MAD1L1: variants seen among roughly 807,000 people sequenced by gnomAD.
MAD1L1 encodes mitotic arrest deficient 1 like 1, also known as mitotic spindle assembly checkpoint protein MAD1.
A neutral mutation model predicts 96.9 loss-of-function variants in MAD1L1; 95 were observed. That is an observed-to-expected ratio of 0.98 (90% CI 0.83 to 1.16). The LOEUF is 1.16. MAD1L1 is among the 50% of genes most tolerant of loss of function. MAD1L1 has a pLI of 0.00. For missense variants in MAD1L1, 1,007 were observed against 954.4 expected, an observed-to-expected ratio of 1.06 and a Z score of -0.73; for synonymous variants, 473 against 396.6, an observed-to-expected ratio of 1.19 and a Z score of -2.29.
intron 18 of MAD1L1, among the ~76,000 whole-genome samples, chr7:1,845,017 TCA>T (rs1268273279): frequency 6.6e-6 from 1 of 152,192 alleles, no homozygotes; most frequent in East Asian, 1.9e-4. Context: ...GCTCCTGGAC[TCA>T]CAGTGGGCAC....
rs563287287 is a variant in MAD1L1 at position 1,929,274 on chromosome 7, A to G, written c.1807+7413T>C. ...CTCCCTCCTCCCCAAAGACACCTCT[A>G]GGATCAGCTGTGCCCACACAGGCAG... On this transcript the variant is annotated intron_variant, in intron 17 of 18. Coordinates refer to ENST00000265854, the MANE Select transcript of MAD1L1 (RefSeq NM_001013836.2). Among the ~76,000 whole-genome samples the G allele has an allele frequency of 3.9e-5, 6 of 152,188 alleles. No homozygotes were observed. The East Asian group carries it at 1.2e-3, about 29-fold the overall frequency.
intron 13 of MAD1L1, among the ~76,000 whole-genome samples, chr7:2,004,034 C>T (rs1331386416): frequency 6.6e-6 from 1 of 152,122 alleles, no homozygotes; most frequent in Non-Finnish European, 1.5e-5. Context: ...CACAGGGAGC[C>T]GGGTCGGGGC....
chr7:2,013,886 G>C (rs1782413479), intron 13 of MAD1L1, among the ~76,000 whole-genome samples: 1 of 152,228 alleles, frequency 6.6e-6, no homozygotes. Flanking sequence ...GAGCTGCTCA[G>C]AGCTAGACAA....
intron 17 of MAD1L1, among the ~76,000 whole-genome samples, chr7:1,934,134 G>A (rs947735234): frequency 6.6e-6 from 1 of 152,166 alleles, no homozygotes. Context: ...CTGGACGCCC[G>A]ACCCACCCTC....
intron 18 of MAD1L1, among the ~76,000 whole-genome samples, chr7:1,887,559 G>C (rs1393574596): frequency 6.6e-6 from 1 of 150,884 alleles, no homozygotes; most frequent in Non-Finnish European, 1.5e-5. Context: ...ATGTGTGCAA[G>C]CATGCGTGTA....
chr7:2,050,791 C>G (rs1276700190), intron 12 of MAD1L1, among the ~76,000 whole-genome samples: 24 of 152,164 alleles, frequency 1.6e-4, no homozygotes, highest in Admixed American at 1.6e-3. Flanking sequence ...AGGCCAGGAG[C>G]AAACACACCT....
At chr7:2,014,414 C>T (rs1782438038) in intron 13 of MAD1L1, 88 bp downstream of exon 13, 1 of 1,459,632 alleles carries the variant, frequency 6.9e-7, no homozygotes, top group African/African-American at 1.4e-5. Context: ...GGGGTCCAGA[C>T]CTCCACCTCC....
chr7:1,956,239 C>T (rs1446769684), intron 16 of MAD1L1, among the ~76,000 whole-genome samples: 1 of 152,134 alleles, frequency 6.6e-6, no homozygotes, highest in Non-Finnish European at 1.5e-5. Flanking sequence ...CTGGACGTCC[C>T]CCCACTAAGG....
At chr7:2,079,812 A>T (rs946919652) in intron 11 of MAD1L1, 3 of 466,044 alleles carry the variant, frequency 6.4e-6, no homozygotes, top group African/African-American at 2.0e-5. Flanking sequence ...TTAGGAAATG[A>T]GAACTGCAGA....
rs1190670208 is a variant in MAD1L1 at position 1,968,536 on chromosome 7, C to A, written c.1506-10817G>T. Among the ~76,000 whole-genome samples, 1 of 149,268 alleles carries A rather than the reference C, an allele frequency of 6.7e-6. No individual in the cohort carries two copies. Among genetic ancestry groups the A allele is most frequent in the Non-Finnish European group, 1.5e-5 (1 of 67,496 alleles). ...CGGTCAGGTCCACCGTCAATGCCAGCGGTCATGTCCACCATCAACGCCTCA... is the reference window on the plus strand; with the variant it reads ...CGGTCAGGTCCACCGTCAATGCCAGAGGTCATGTCCACCATCAACGCCTCA... On this transcript the variant is annotated intron_variant, in intron 15 of 18. Transcript: ENST00000265854. This position sits in a 1 kb window ranked among gnomAD's most constrained non-coding sequence, Gnocchi z 5.6.
intron 11 of MAD1L1, among the ~76,000 whole-genome samples, chr7:2,138,602 T>TC (rs2128572808): frequency 6.6e-6 from 1 of 152,086 alleles, no homozygotes; most frequent in South Asian, 2.1e-4. Flanking sequence ...AGATGGGGCC[T>TC]CCCCCGCTCT....
intron 15 of MAD1L1, among the ~76,000 whole-genome samples, chr7:1,975,824 C>G (rs1230617245): frequency 1.3e-5 from 2 of 152,080 alleles, no homozygotes; most frequent in Non-Finnish European, 2.9e-5. Context: ...TCCCGGGACC[C>G]AGAAGACATC....
chr7:1,895,479 A>G (rs1786808565), intron 18 of MAD1L1, among the ~76,000 whole-genome samples: 1 of 152,212 alleles, frequency 6.6e-6, no homozygotes, highest in South Asian at 2.1e-4. Context: ...CCCGCCTGCA[A>G]ACATCAACTT....
chr7:2,099,784 G>A (rs1429719159), intron 11 of MAD1L1, among the ~76,000 whole-genome samples: 1 of 152,248 alleles, frequency 6.6e-6, no homozygotes. Context: ...CCTGCAGGGA[G>A]GAGCCCCTGG....
chr7:2,111,650 A>G (rs1408772636), intron 11 of MAD1L1, among the ~76,000 whole-genome samples: 1 of 152,240 alleles, frequency 6.6e-6, no homozygotes, highest in East Asian at 1.9e-4. Context: ...AAAGCACCAC[A>G]GCAACTGTCT....
At position 1,973,958 on chromosome 7, in the gene MAD1L1, C is replaced by T. The variant is rs75821541; in HGVS notation, c.1505+6495G>A. 6.6e-4 allele frequency among the ~76,000 whole-genome samples: 100 copies of T among 152,332 alleles called. No individual in the cohort carries two copies. The East Asian group carries it at 0.012, about 19-fold the overall frequency. On this transcript the variant is annotated intron_variant, in intron 15 of 18. Coordinates refer to ENST00000265854, the MANE Select transcript of MAD1L1 (RefSeq NM_001013836.2). ...AGGCTGGGGCAGGAGACGCGCTCCCCGAGGGGCCACGCTGATGCTGCTGGG... is the reference window on the plus strand; with the variant it reads ...AGGCTGGGGCAGGAGACGCGCTCCCTGAGGGGCCACGCTGATGCTGCTGGG...
chr7:2,033,317 G>A (rs1213831955), intron 12 of MAD1L1, among the ~76,000 whole-genome samples: 6 of 152,310 alleles, frequency 3.9e-5, no homozygotes, highest in African/African-American at 1.2e-4. Context: ...CCCTGCCCTC[G>A]CCTGCTTCAC....
intron 18 of MAD1L1, among the ~76,000 whole-genome samples, chr7:1,821,103 G>C (rs1401169346): frequency 6.8e-6 from 1 of 146,312 alleles, no homozygotes; most frequent in Non-Finnish European, 1.5e-5. Context: ...AGGGGGGGGG[G>C]AGAGTGAAAT....
At chr7:2,010,080 T>G (rs1467259339) in intron 13 of MAD1L1, among the ~76,000 whole-genome samples, 2 of 150,054 alleles carry the variant, frequency 1.3e-5, no homozygotes, top group African/African-American at 2.5e-5. Context: ...GTTTTTTTTT[T>G]TTTTTTTTTT....
Sources: gnomAD v4.1 joint callset for allele counts (sites outside exome capture counted in the v4.1 genomes callset) on GRCh38, gnomAD v4.1.1 for gene constraint, Gnocchi (gnomAD v3.1) non-coding constraint, MANE v1.5 for transcripts, NCBI Gene and HGNC (gene_info 2026-07-23, HGNC 2026-07-21) for gene names.